Variants in THADA observed in about 807,000 individuals in gnomAD.
THADA encodes tRNA (32-2'-O)-methyltransferase regulator THADA.
A neutral mutation model predicts 219.8 loss-of-function variants in THADA; 213 were observed. The ratio of observed to expected loss-of-function variants is 0.97; its 90% confidence interval spans 0.87 to 1.09. THADA has a LOEUF of 1.09. Ranked by LOEUF, THADA falls within the 50% of genes least tolerant of loss-of-function variation. The pLI is 0.00. For missense variants in THADA, 2,956 were observed against 2,311.3 expected, an observed-to-expected ratio of 1.28 and a Z score of -5.72; for synonymous variants, 1,018 against 828.9, an observed-to-expected ratio of 1.23 and a Z score of -3.92.
At chr2:43,551,358 T>C (rs1295209576) in intron 19 of THADA, among the ~76,000 whole-genome samples, 4 of 152,206 alleles carry the variant, frequency 2.6e-5, no homozygotes, top group African/African-American at 4.8e-5. Context: ...TTTTTGAATA[T>C]TGGAATATCT....
chr2:43,271,928 TTA>T (rs1189642981), intron 36 of THADA, among the ~76,000 whole-genome samples: 2 of 152,180 alleles, frequency 1.3e-5, no homozygotes, highest in African/African-American at 2.4e-5. Context: ...CTTGGAACTT[TTA>T]TTCCGGTGGA....
At chr2:43,340,499 G>C (rs1666952986) in intron 30 of THADA, among the ~76,000 whole-genome samples, 1 of 152,062 alleles carries the variant, frequency 6.6e-6, no homozygotes, top group Non-Finnish European at 1.5e-5. Context: ...CTTTCTTTGA[G>C]AACAAAAGGA....
intron 28 of THADA, among the ~76,000 whole-genome samples, chr2:43,424,258 G>A (rs1678120345): frequency 6.6e-6 from 1 of 152,126 alleles, no homozygotes; most frequent in Non-Finnish European, 1.5e-5. Flanking sequence ...ATAAATCAAA[G>A]GGAAACAAAA....
intron 31 of THADA, among the ~76,000 whole-genome samples, chr2:43,296,899 G>C (rs938413923): frequency 6.6e-6 from 1 of 150,958 alleles, no homozygotes; most frequent in South Asian, 2.1e-4. Context: ...CCGAGGGCAA[G>C]GAGCAGCCGC....
chr2:43,589,603 G>C (rs1280276886), intron 4 of THADA, among the ~76,000 whole-genome samples: 1 of 152,182 alleles, frequency 6.6e-6, no homozygotes, highest in East Asian at 1.9e-4. Context: ...AACATCATAT[G>C]TTCTCACTCA....
chr2:43,382,218 T>C (rs534650821), intron 29 of THADA, among the ~76,000 whole-genome samples: 2 of 152,276 alleles, frequency 1.3e-5, no homozygotes, highest in South Asian at 2.1e-4. Flanking sequence ...ACTTGTGAAA[T>C]CTGAATAAAA....
In THADA at chr2:43,258,119, A is replaced by G. The variant is rs141793907; in HGVS notation, c.5296+21646T>C. ...CCAGCGGCCCACGGAGCAGGCTTGC[A>G]GGATTAAATGCGAGACACTGAGTAG... On this transcript the variant is annotated intron_variant, in intron 36 of 37. Coordinates refer to ENST00000405975, the MANE Select transcript of THADA (RefSeq NM_022065.5). Among the ~76,000 whole-genome samples the G allele has an allele frequency of 3.4e-3, 524 of 152,346 alleles. 3 individuals carry two copies. Among genetic ancestry groups the G allele is most frequent in the African/African-American group, 0.012 (508 of 41,568 alleles).
At chr2:43,476,932 T>C (rs748499167) in intron 26 of THADA, among the ~76,000 whole-genome samples, 4 of 152,330 alleles carry the variant, frequency 2.6e-5, no homozygotes, top group South Asian at 2.1e-4. Flanking sequence ...TTGGTTATTA[T>C]AGAATTTTTA....
chr2:43,594,037 C>G (rs1701877147), intron 1 of THADA, among the ~76,000 whole-genome samples: 1 of 152,132 alleles, frequency 6.6e-6, no homozygotes, highest in Non-Finnish European at 1.5e-5. Flanking sequence ...CCACTAAGGA[C>G]TGGGCTACCT....
chr2:43,504,480 C>T (rs1321179622), intron 24 of THADA, among the ~76,000 whole-genome samples: 1 of 152,174 alleles, frequency 6.6e-6, no homozygotes, highest in Non-Finnish European at 1.5e-5. Context: ...TTAACACCTC[C>T]CACAGGTTCT....
chr2:43,553,034 G>A (rs1696934822), intron 17 of THADA, among the ~76,000 whole-genome samples: 1 of 152,164 alleles, frequency 6.6e-6, no homozygotes, highest in African/African-American at 2.4e-5. Context: ...CATAATGTTT[G>A]CAAAGTTCAT....
Position 43,560,379 on chromosome 2 carries a change from A to G in THADA, c.2318T>C (p.Ile773Thr). ...ATGACTCAGCTGATATACTGTATAA[A>G]TTCTGCCTAAAAATATTTTAAAAAC... Reference protein sequence around the residue: ...AEVFHVPEGRIYTVYQLSHDI... With the variant: ...AEVFHVPEGRTYTVYQLSHDI... The change falls in exon 16 of 38, where the codon ATT becomes ACT. Residue 773 changes from isoleucine (I) to threonine (T), a missense_variant. Coordinates refer to ENST00000405975, the MANE Select transcript of THADA (RefSeq NM_022065.5). 1.3e-6 allele frequency: 2 copies of G among 1,544,882 alleles called. No homozygotes were observed. Among genetic ancestry groups the G allele is most frequent in the South Asian group, 2.5e-5 (2 of 79,348 alleles).
Position 43,468,750 on chromosome 2 carries a change from T to C in THADA, c.3836+16484A>G, listed in dbSNP as rs1407134427. Among the ~76,000 whole-genome samples the C allele has an allele frequency of 1.3e-5, 2 of 152,104 alleles. 1 individual carries two copies. On this transcript the variant is annotated intron_variant, in intron 26 of 37. Transcript: ENST00000405975. The stretch of plus-strand genomic sequence containing the variant: ...ATACCACCGCAAGAAAGAGATGGCA[T>C]ACAGAATCTGGGGCACATCAGGAAG...
chr2:43,362,899 A>C (rs925613298), intron 29 of THADA, among the ~76,000 whole-genome samples: 1 of 151,270 alleles, frequency 6.6e-6, no homozygotes, highest in African/African-American at 2.4e-5. Context: ...TACTTTTTTA[A>C]CTTTTTTGCT....
At chr2:43,570,170 G>A (rs1283473456) in intron 14 of THADA, among the ~76,000 whole-genome samples, 1 of 152,076 alleles carries the variant, frequency 6.6e-6, no homozygotes, top group Admixed American at 6.6e-5. Flanking sequence ...GCCCACTAAC[G>A]TCATTCTGTA....
At position 43,574,533 on chromosome 2, in the gene THADA, G is replaced by A. The variant is rs1699640435; in HGVS notation, c.1532C>T (p.Ser511Phe). Reference sequence around the variant, plus strand: ...AATCCAAGAACTCTCAGCAGTCTGGGATTTCAAATGACTCTTATGATTTCT... The same window carrying A: ...AATCCAAGAACTCTCAGCAGTCTGGAATTTCAAATGACTCTTATGATTTCT... ...MFRNHKSHLK[S>F]QTAESSWIDQ... Residue 511 changes from serine to phenylalanine, a missense_variant, in exon 11 of 38, where the codon TCC becomes TTC. Transcript: ENST00000405975. 1 of 1,613,972 alleles carries A rather than the reference G, an allele frequency of 6.2e-7. No homozygotes were observed. The highest frequency in any genetic ancestry group is 1.7e-5 in the Admixed American group (1 of 60,018).
intron 21 of THADA, among the ~76,000 whole-genome samples, chr2:43,532,944 G>GAA (rs1694076822): frequency 6.6e-6 from 1 of 152,106 alleles, no homozygotes; most frequent in Non-Finnish European, 1.5e-5. Flanking sequence ...TCATCAGAGT[G>GAA]AACAGACAAC....
rs185225056 is a variant in THADA at position 43,387,721 on chromosome 2, C to T, written c.4227+10250G>A. 1.6e-4 allele frequency among the ~76,000 whole-genome samples: 24 copies of T among 152,198 alleles called. No homozygotes were observed. In the East Asian group the frequency reaches 4.1e-3, roughly 26 times the overall value. On this transcript the variant is annotated intron_variant, in intron 29 of 37. Coordinates refer to ENST00000405975, the MANE Select transcript of THADA (RefSeq NM_022065.5). ...TAGAGACATTTTTGGTTGTTGTTGT[C>T]ACAAATGAAGGAGGGGTGCTACCAA...
At chr2:43,245,314 A>G (rs2104089820) in intron 36 of THADA, among the ~76,000 whole-genome samples, 1 of 151,820 alleles carries the variant, frequency 6.6e-6, no homozygotes, top group African/African-American at 2.4e-5. Flanking sequence ...CTGGGACTAC[A>G]GGCACATACC....
Sources: allele counts gnomAD v4.1 joint callset (sites outside exome capture counted in the v4.1 genomes callset), GRCh38; gene constraint gnomAD v4.1.1; transcripts MANE v1.5; gene names NCBI Gene and HGNC (gene_info 2026-07-23, HGNC 2026-07-21).